Variants in TDRD12 observed in about 807,000 individuals in gnomAD.
The protein encoded by TDRD12 is tudor domain containing 12.
TDRD12 carries 158 observed loss-of-function variants against 133.5 expected under a neutral mutation model. The observed-to-expected ratio is 1.18, with a 90% CI of 1.04 to 1.35. TDRD12 has a LOEUF of 1.35. Among genes scored for constraint, TDRD12 ranks in the 40% most tolerant of loss-of-function variants. The pLI is 0.00. For synonymous variants in TDRD12, 460 were observed against 477.9 expected (o/e 0.96, Z 0.49); for missense variants, 1,443 against 1,321.3 (o/e 1.09, Z -1.43).
chr19:32,793,185 CAATAAT>C lies in TDRD12; in HGVS notation c.1288-1421_1288-1416del, dbSNP rs36078920. Among the ~76,000 whole-genome samples, 8 of 149,276 alleles carry C rather than the reference CAATAAT, an allele frequency of 5.4e-5. No homozygotes were observed. In the South Asian group the frequency reaches 8.6e-4, roughly 16 times the overall value. On this transcript the variant is annotated intron_variant, in intron 13 of 27. Transcript: ENST00000444215. ...TGGGCACAGAACGAGACTCTGTCTA[CAATAAT>C]AATAATAATAATAATAATAATTCTG...
rs1316180538 is a variant in TDRD12, at chr19:32,781,782, CTAT to C, written c.1121+4560_1121+4562del. On this transcript the variant is annotated intron_variant, in intron 11 of 27. Transcript: ENST00000444215. ...CCTGATGTTGTGCCTTGGTGTGGTTCTATTATTATGCTTGTCATTCAGTGGACA... is the reference window on the plus strand; with the variant it reads ...CCTGATGTTGTGCCTTGGTGTGGTTCTATTATGCTTGTCATTCAGTGGACA... 4.6e-5 allele frequency among the ~76,000 whole-genome samples: 7 copies of C among 151,296 alleles called. 1 individual carries two copies. Among genetic ancestry groups the C allele is most frequent in the African/African-American group, 1.7e-4 (7 of 41,186 alleles).
intron 17 of TDRD12, 100 bp downstream of exon 17, chr19:32,800,458 G>A (rs2145694803): frequency 1.9e-6 from 2 of 1,033,516 alleles, no homozygotes; most frequent in Non-Finnish European, 2.7e-6. Flanking sequence ...TCATGGCTTA[G>A]TATTAAACAA....
intron 1 of TDRD12, among the ~76,000 whole-genome samples, chr19:32,727,883 G>T (rs1296002315): frequency 6.6e-6 from 1 of 152,126 alleles, no homozygotes; most frequent in East Asian, 1.9e-4. Flanking sequence ...GGCCAGGCTT[G>T]TGTCGAACTC....
chr19:32,792,775 T>C (rs1371936138), intron 13 of TDRD12, among the ~76,000 whole-genome samples: 1 of 152,096 alleles, frequency 6.6e-6, no homozygotes, highest in Admixed American at 6.6e-5. Flanking sequence ...AGCATCTAAG[T>C]TGAGGGAATC....
chr19:32,788,145 T>C (rs937290146), intron 11 of TDRD12, among the ~76,000 whole-genome samples: 3 of 152,010 alleles, frequency 2.0e-5, no homozygotes, highest in African/African-American at 7.2e-5. Flanking sequence ...TTTTTTGAAA[T>C]GGAGTCTCGC....
chr19:32,825,094 T>C (rs560599141), downstream of TDRD12, among the ~76,000 whole-genome samples: 1 of 152,262 alleles, frequency 6.6e-6, no homozygotes, highest in East Asian at 1.9e-4. The surrounding 1 kb of genome is among the most constrained non-coding windows in gnomAD (Gnocchi z 4.1). Context: ...TCGCCTCCTC[T>C]CAGAAGGGCT....
chr19:32,791,520 T>C (rs1971071150), intron 13 of TDRD12, among the ~76,000 whole-genome samples: 2 of 152,184 alleles, frequency 1.3e-5, no homozygotes, highest in Admixed American at 1.3e-4. Flanking sequence ...TTTTTTAAGA[T>C]AGGAAGCTAA....
In TDRD12 at chr19:32,744,499, CA is replaced by C. The variant is rs10644749; in HGVS notation, c.440+1624del. ...TGGGTGACAGAGTGAGACTCCGTCT[CA>C]AAAAAAAAAAAAAAAAAAAAAAAAC... On this transcript the variant is annotated intron_variant, in intron 4 of 27. Coordinates refer to ENST00000444215, the Ensembl canonical transcript of TDRD12. 8.2e-3 allele frequency among the ~76,000 whole-genome samples: 313 copies of C among 38,068 alleles called. 1 individual carries two copies. Among genetic ancestry groups the C allele is most frequent in the African/African-American group, 0.024 (228 of 9,604 alleles). 25.0% of individuals were successfully genotyped at this position (38,068 alleles called of 152,430 possible).
chr19:32,781,099 C>A (rs745638834), intron 11 of TDRD12, among the ~76,000 whole-genome samples: 2 of 151,960 alleles, frequency 1.3e-5, no homozygotes, highest in African/African-American at 2.4e-5. Context: ...CCCACCATCA[C>A]GCCTGGCTAA....
At chr19:32,764,740 C>G (rs1970246759) in intron 8 of TDRD12, among the ~76,000 whole-genome samples, 1 of 152,094 alleles carries the variant, frequency 6.6e-6, no homozygotes, top group Non-Finnish European at 1.5e-5. Context: ...TTTCTCTTTC[C>G]AGTTCTGTCA....
At chr19:32,819,767 C>T (rs1256848955) in intron 27 of TDRD12, among the ~76,000 whole-genome samples, 1 of 152,132 alleles carries the variant, frequency 6.6e-6, no homozygotes, top group African/African-American at 2.4e-5. Context: ...TGCTGTGACC[C>T]GCAGATCTGG....
chr19:32,777,365 T>G, intron 11 of TDRD12, 136 bp downstream of exon 11: 1 of 577,492 alleles, frequency 1.7e-6, no homozygotes, highest in Non-Finnish European at 2.8e-6. Context: ...GTATATCTCC[T>G]GTAGGGTTTG....
At chr19:32,760,437 C>T (rs1232298822) in intron 8 of TDRD12, among the ~76,000 whole-genome samples, 1 of 152,122 alleles carries the variant, frequency 6.6e-6, no homozygotes, top group Non-Finnish European at 1.5e-5. Context: ...TTTTGAGAAT[C>T]AAAGTATAAT....
chr19:32,771,470 T>C (rs1247961114), intron 8 of TDRD12, among the ~76,000 whole-genome samples: 1 of 152,234 alleles, frequency 6.6e-6, no homozygotes, highest in Non-Finnish European at 1.5e-5. Flanking sequence ...TTTGGTTTCA[T>C]AAATACTATT....
At chr19:32,794,236 G>T (rs1472649590) in intron 13 of TDRD12, among the ~76,000 whole-genome samples, 1 of 151,168 alleles carries the variant, frequency 6.6e-6, no homozygotes, top group Non-Finnish European at 1.5e-5. Flanking sequence ...CTCCAGAGTA[G>T]CTGGGATTAT....
chr19:32,797,429 AC>A (rs1280028710), intron 14 of TDRD12, among the ~76,000 whole-genome samples: 3 of 151,994 alleles, frequency 2.0e-5, no homozygotes, highest in Non-Finnish European at 2.9e-5. Flanking sequence ...AACTGACTTC[AC>A]CTCTCTGTAC....
chr19:32,767,991 T>A (rs967007967), intron 8 of TDRD12, among the ~76,000 whole-genome samples: 1 of 152,246 alleles, frequency 6.6e-6, no homozygotes, highest in African/African-American at 2.4e-5. Context: ...TGTGACACAT[T>A]AAAATTATAT....
At chr19:32,807,527 A>G in intron 21 of TDRD12, 22 bp from the exon 22 acceptor site, 1 of 1,441,926 alleles carries the variant, frequency 6.9e-7, no homozygotes, top group Non-Finnish European at 9.2e-7. Flanking sequence ...ACTTATGATA[A>G]GTCTAGTCAT....
At chr19:32,756,418 C>T (rs981764633) in intron 7 of TDRD12, among the ~76,000 whole-genome samples, 3 of 151,812 alleles carry the variant, frequency 2.0e-5, no homozygotes, top group African/African-American at 4.8e-5. Flanking sequence ...GACGGAGTCT[C>T]GGTCTGTAAC....
Sources: allele counts gnomAD v4.1 joint callset (sites outside exome capture counted in the v4.1 genomes callset), GRCh38; gene constraint gnomAD v4.1.1; non-coding constraint Gnocchi (gnomAD v3.1); transcripts MANE v1.5; gene names NCBI Gene and HGNC (gene_info 2026-07-23, HGNC 2026-07-21).